STAG2: variants seen among roughly 807,000 people sequenced by gnomAD.
STAG2 encodes STAG2 cohesin complex component.
In STAG2, 14 loss-of-function variants were observed where a neutral mutation model predicts 108.1. That is an observed-to-expected ratio of 0.13 (90% CI 0.09 to 0.20). STAG2 has a LOEUF of 0.20. Ranked by LOEUF, STAG2 falls within the 10% of genes least tolerant of loss-of-function variation. The probability of loss-of-function intolerance (pLI) is 1.00; values close to 1 mark genes in which losing one functional copy is unlikely to be tolerated. For synonymous variants in STAG2, 307 were observed against 302.7 expected (o/e 1.01, Z -0.15); for missense variants, 440 against 940.9 (o/e 0.47, Z 6.96).
intron 1 of STAG2, among the ~76,000 whole-genome samples, chrX:123,972,366 G>A (rs185120036): frequency 4.6e-5 from 5 of 108,210 alleles, no homozygotes; most frequent in African/African-American, 1.7e-4. Context: ...CACCTCCGGG[G>A]TTCACGCCAT....
chrX:124,020,338 A>G (rs2056883928), intron 1 of STAG2, among the ~76,000 whole-genome samples: 1 of 112,309 alleles, frequency 8.9e-6, no homozygotes. Flanking sequence ...AGAGACGCAG[A>G]CAGATACAGC....
intron 1 of STAG2, among the ~76,000 whole-genome samples, chrX:123,970,793 A>T (rs2054319452): frequency 8.9e-6 from 1 of 112,246 alleles, no homozygotes; most frequent in South Asian, 3.7e-4. Context: ...ATACTAACTG[A>T]ACTCTTACCA....
rs1392457926 is a variant in STAG2 at position 124,047,509 on chromosome X, A to C, written c.819+4A>C. 2 of 1,204,261 alleles carry C rather than the reference A, an allele frequency of 1.7e-6. No homozygotes were observed. Among genetic ancestry groups the C allele is most frequent in the Admixed American group, 2.2e-5 (1 of 44,822 alleles). On this transcript the variant is annotated splice_donor_region_variant and intron_variant, in intron 9 of 34. Transcript: ENST00000371145. ...CCTGCTACAAAAGCGGAAAGAGGTA[A>C]ACTTTTATATTGAATATTTAGGCTA... is the stretch of plus-strand genomic sequence containing the variant.
intron 1 of STAG2, among the ~76,000 whole-genome samples, chrX:123,972,899 A>G (rs997810460): frequency 3.0e-5 from 3 of 98,439 alleles, no homozygotes; most frequent in Non-Finnish European, 6.1e-5. Flanking sequence ...AAAGAACCGA[A>G]TCAGCCTGGC....
At chrX:124,005,378 T>C (rs969881482) in intron 1 of STAG2, among the ~76,000 whole-genome samples, 1 of 111,557 alleles carries the variant, frequency 9.0e-6, no homozygotes, top group Non-Finnish European at 1.9e-5. Flanking sequence ...ACCACCACCA[T>C]CACCATCACC....
chrX:124,073,408 TTGTG>T (rs1407942630), intron 25 of STAG2, among the ~76,000 whole-genome samples: 1 of 110,683 alleles, frequency 9.0e-6, no homozygotes, highest in Admixed American at 9.6e-5. Flanking sequence ...CTCCTTAGAC[TTGTG>T]TGTGTGTATG....
intron 15 of STAG2, among the ~76,000 whole-genome samples, chrX:124,060,934 A>C (rs1352524069): frequency 1.9e-5 from 2 of 107,600 alleles, no homozygotes; most frequent in East Asian, 5.7e-4. Context: ...CCACCCCCCC[A>C]AATATATATA....
chrX:124,002,806 TTC>T (rs2056106003), intron 1 of STAG2, among the ~76,000 whole-genome samples: 1 of 103,651 alleles, frequency 9.6e-6, no homozygotes, highest in Admixed American at 1.0e-4. Context: ...CTTTCTTTCT[TTC>T]TTTCTTTTTT....
intron 17 of STAG2, 50 bp from the exon 18 acceptor site, chrX:124,062,852 T>C (rs1258975948): frequency 1.1e-5 from 11 of 999,165 alleles, no homozygotes; most frequent in Middle Eastern, 2.6e-4. Context: ...CTTGAACACT[T>C]AACAGTGCTA....
At chrX:124,080,407 C>T (rs778508866) in intron 27 of STAG2, among the ~76,000 whole-genome samples, 5 of 110,821 alleles carry the variant, frequency 4.5e-5, no homozygotes, top group African/African-American at 6.6e-5. Context: ...AGTTGACACA[C>T]GACCGGGCGC....
chrX:123,974,924 A>G (rs1315881865), intron 1 of STAG2, among the ~76,000 whole-genome samples: 3 of 111,933 alleles, frequency 2.7e-5, no homozygotes, highest in Non-Finnish European at 5.6e-5. Context: ...CTCATCATAT[A>G]AAATGATTGA....
chrX:124,094,168 A>G (rs1224770611), intron 33 of STAG2, 24 bp downstream of exon 33: 1 of 1,181,117 alleles, frequency 8.5e-7, no homozygotes, highest in African/African-American at 1.8e-5. Flanking sequence ...TGATTTCTGT[A>G]AGATTTTCAG....
Position 124,061,358 on chromosome X carries a change from A to G in STAG2, c.1534+17A>G. 1 of 1,125,506 alleles carries G rather than the reference A, an allele frequency of 8.9e-7. No homozygotes were observed. Among genetic ancestry groups the G allele is most frequent in the Non-Finnish European group, 1.2e-6 (1 of 820,898 alleles). 92.8% of individuals were successfully genotyped at this position (1,125,506 alleles called of 1,213,427 possible). A position where few individuals can be genotyped will look rare whatever the true frequency, so the allele number is the denominator to read the frequency against. ...GAGAGGAAGGTAAGGATGTTTAATTATGATATTTTTGTTTAGACAGTTTTG... is the reference window on the plus strand; with the variant it reads ...GAGAGGAAGGTAAGGATGTTTAATTGTGATATTTTTGTTTAGACAGTTTTG... On this transcript the variant is annotated intron_variant, in intron 16 of 34. Coordinates refer to ENST00000371145, the MANE Select transcript of STAG2 (RefSeq NM_001042750.2).
intron 13 of STAG2, among the ~76,000 whole-genome samples, chrX:124,054,555 C>G (rs1159128282): frequency 2.7e-5 from 3 of 111,905 alleles, no homozygotes; most frequent in Non-Finnish European, 5.6e-5. Context: ...ACATATATTT[C>G]TATAGCTTCT....
chrX:124,064,132 G>A, intron 20 of STAG2, 81 bp downstream of exon 20: 1 of 714,367 alleles, frequency 1.4e-6, no homozygotes, highest in Non-Finnish European at 2.1e-6. Context: ...CAAGTGTTAA[G>A]TCTTGGTGAT....
At chrX:124,044,472 T>A (rs768969505) in intron 7 of STAG2, among the ~76,000 whole-genome samples, 1 of 111,866 alleles carries the variant, frequency 8.9e-6, no homozygotes, top group Non-Finnish European at 1.9e-5. Context: ...CTTACATCTC[T>A]AGGATACTCT....
chrX:124,022,381 AAAAAAG>A, intron 2 of STAG2, 144 bp from the exon 3 acceptor site: 7 of 279,858 alleles, frequency 2.5e-5, no homozygotes, highest in East Asian at 2.0e-4. Flanking sequence ...AAAAAAAAAA[AAAAAAG>A]AAAGCAGTCA....
intron 1 of STAG2, among the ~76,000 whole-genome samples, chrX:123,995,943 C>G (rs745667173): frequency 9.0e-6 from 1 of 111,522 alleles, no homozygotes; most frequent in Non-Finnish European, 1.9e-5. Context: ...ATGCTTGGTT[C>G]CTGAGATTGT....
chrX:124,016,509 TATTACATTA>T (rs2056735292), intron 1 of STAG2, among the ~76,000 whole-genome samples: 1 of 112,177 alleles, frequency 8.9e-6, no homozygotes, highest in Non-Finnish European at 1.9e-5. Flanking sequence ...AGTGTATGAA[TATTACATTA>T]ATTACATTGA....
Sources: allele counts gnomAD v4.1 joint callset (sites outside exome capture counted in the v4.1 genomes callset), GRCh38; gene constraint gnomAD v4.1.1; transcripts MANE v1.5; gene names NCBI Gene and HGNC (gene_info 2026-07-23, HGNC 2026-07-21).